The following MYO1E variants were observed in gnomAD, a reference collection of about 807,000 sequenced individuals.
The protein encoded by MYO1E is unconventional myosin-Ie.
In MYO1E, 68 loss-of-function variants were observed where a neutral mutation model predicts 151.1. The observed-to-expected ratio is 0.45, with a 90% CI of 0.37 to 0.55. The LOEUF (loss-of-function observed/expected upper bound fraction) is 0.55, where lower values mean the gene tolerates loss of function less well. Among genes scored for constraint, MYO1E ranks in the 20% least tolerant of loss-of-function variants. MYO1E has a pLI of 0.00. For synonymous variants in MYO1E, 601 were observed against 501.7 expected, an observed-to-expected ratio of 1.20 and a Z score of -2.64; for missense variants, 1,363 against 1,389.3, an observed-to-expected ratio of 0.98 and a Z score of 0.30.
At chr15:59,238,889 C>T (rs1189109446) in intron 4 of MYO1E, among the ~76,000 whole-genome samples, 4 of 151,456 alleles carry the variant, frequency 2.6e-5, no homozygotes, top group Non-Finnish European at 5.9e-5. Flanking sequence ...TTTTCATGTG[C>T]TTTCTCATAA....
chr15:59,272,206 G>A, intron 2 of MYO1E, 100 bp downstream of exon 2: 2 of 1,389,638 alleles, frequency 1.4e-6, no homozygotes, highest in Admixed American at 1.7e-5. Context: ...AAAGTGCTGG[G>A]ATTACACACG....
chr15:59,273,662 CGGA>C (rs1323077797), intron 1 of MYO1E, among the ~76,000 whole-genome samples: 1 of 88,250 alleles, frequency 1.1e-5, no homozygotes, highest in East Asian at 2.4e-4. Context: ...TAATCTATGC[CGGA>C]GGAGACCAGA....
At chr15:59,242,238 T>C (rs1227152730) in intron 4 of MYO1E, among the ~76,000 whole-genome samples, 1 of 152,248 alleles carries the variant, frequency 6.6e-6, no homozygotes, top group Non-Finnish European at 1.5e-5. Flanking sequence ...CTGAATACTA[T>C]TCTTCAATAA....
intron 1 of MYO1E, among the ~76,000 whole-genome samples, chr15:59,326,053 C>T (rs1224331059): frequency 6.6e-6 from 1 of 151,950 alleles, no homozygotes; most frequent in Non-Finnish European, 1.5e-5. Context: ...ATCCTGAATT[C>T]TTTAAACACC....
chr15:59,289,213 A>G (rs1464431167), intron 1 of MYO1E, among the ~76,000 whole-genome samples: 1 of 152,202 alleles, frequency 6.6e-6, no homozygotes, highest in Non-Finnish European at 1.5e-5. Context: ...CCTCCTGAGC[A>G]AATCTGTACC....
chr15:59,354,894 C>A (rs1289512783), intron 1 of MYO1E, among the ~76,000 whole-genome samples: 5 of 152,194 alleles, frequency 3.3e-5, no homozygotes, highest in Non-Finnish European at 7.3e-5. Flanking sequence ...CCCCACCGAA[C>A]CACTAATATC....
intron 17 of MYO1E, among the ~76,000 whole-genome samples, chr15:59,193,824 A>G (rs1471761588): frequency 6.6e-6 from 1 of 152,188 alleles, no homozygotes; most frequent in East Asian, 1.9e-4. Context: ...TTAACGGACA[A>G]TATTGTAGAA....
chr15:59,288,921 T>C (rs533556525), intron 1 of MYO1E, among the ~76,000 whole-genome samples: 1 of 152,246 alleles, frequency 6.6e-6, no homozygotes, highest in South Asian at 2.1e-4. Flanking sequence ...GACTGATGCC[T>C]TGTAGGCAAA....
chr15:59,177,842 C>T (rs979060921), intron 19 of MYO1E, among the ~76,000 whole-genome samples: 2 of 152,286 alleles, frequency 1.3e-5, no homozygotes, highest in Non-Finnish European at 2.9e-5. Flanking sequence ...CTATTTTCCC[C>T]CTCACAGTCC....
chr15:59,341,016 C>CAAAAAACAAAAAAAAAA (rs2080761797), intron 1 of MYO1E, among the ~76,000 whole-genome samples: 1 of 86,282 alleles, frequency 1.2e-5, no homozygotes, highest in Non-Finnish European at 2.3e-5. Context: ...GACTCCATCT[C>CAAAAAACAAAAAAAAAA]AAAAAAAAAA....
At chr15:59,248,718 T>C (rs1566991478) in intron 4 of MYO1E, among the ~76,000 whole-genome samples, 1 of 151,896 alleles carries the variant, frequency 6.6e-6, no homozygotes, top group African/African-American at 2.4e-5. Flanking sequence ...ACAGCAGAGA[T>C]GGGGGGTTTT....
At chr15:59,143,868 C>T (rs1033471605) in intron 26 of MYO1E, among the ~76,000 whole-genome samples, 4 of 152,230 alleles carry the variant, frequency 2.6e-5, no homozygotes, top group Admixed American at 6.5e-5. Context: ...GCTCGGCCTT[C>T]GGATCTCATT....
chr15:59,352,187 C>G (rs2080827111), intron 1 of MYO1E, among the ~76,000 whole-genome samples: 1 of 152,184 alleles, frequency 6.6e-6, no homozygotes, highest in Non-Finnish European at 1.5e-5. Flanking sequence ...GAAAAGTTTC[C>G]CTCGATTCCA....
chr15:59,324,320 T>G (rs2080648603), intron 1 of MYO1E, among the ~76,000 whole-genome samples: 1 of 151,882 alleles, frequency 6.6e-6, no homozygotes, highest in Admixed American at 6.6e-5. Context: ...AAAGGGAGAA[T>G]ATCCAAAAGA....
At chr15:59,356,350 A>G (rs1186133455) in intron 1 of MYO1E, among the ~76,000 whole-genome samples, 2 of 152,196 alleles carry the variant, frequency 1.3e-5, no homozygotes, top group Non-Finnish European at 2.9e-5. Context: ...GGTTCCAACG[A>G]AAATGAAAGG....
intron 5 of MYO1E, among the ~76,000 whole-genome samples, chr15:59,235,401 T>C (rs958010616): frequency 9.2e-5 from 14 of 152,020 alleles, no homozygotes; most frequent in African/African-American, 3.4e-4. Flanking sequence ...GCACTCTCTT[T>C]TGATCCCTCA....
At chr15:59,222,705 A>C (rs892511543) in intron 9 of MYO1E, among the ~76,000 whole-genome samples, 2 of 152,240 alleles carry the variant, frequency 1.3e-5, no homozygotes, top group Admixed American at 6.5e-5. Flanking sequence ...GTTTTGATAA[A>C]GACAATAAAT....
intron 10 of MYO1E, among the ~76,000 whole-genome samples, chr15:59,216,011 A>C (rs1426447958): frequency 6.6e-6 from 1 of 152,116 alleles, no homozygotes; most frequent in African/African-American, 2.4e-5. Flanking sequence ...TTCCCAAGCA[A>C]TGTTATCCTT....
chr15:59,189,164 ATCC>A (rs2079717657), intron 17 of MYO1E, among the ~76,000 whole-genome samples: 2 of 151,870 alleles, frequency 1.3e-5, no homozygotes, highest in East Asian at 1.9e-4. Flanking sequence ...GGCTCAGGTG[ATCC>A]TCCTATTTCA....
Sources: allele counts gnomAD v4.1 joint callset (sites outside exome capture counted in the v4.1 genomes callset), GRCh38; gene constraint gnomAD v4.1.1; transcripts MANE v1.5; gene names NCBI Gene and HGNC (gene_info 2026-07-23, HGNC 2026-07-21).